FSTL4: variants seen among roughly 807,000 people sequenced by gnomAD.
FSTL4 encodes the protein follistatin like 4, also known as follistatin-related protein 4.
FSTL4 carries 28 observed loss-of-function variants against 78.2 expected under a neutral mutation model. The ratio of observed to expected loss-of-function variants is 0.36; its 90% CI spans 0.27 to 0.49. FSTL4 has a LOEUF of 0.49. FSTL4 is among the 20% of genes least tolerant of loss of function. The pLI is 0.98. For synonymous variants in FSTL4, 422 were observed against 440.5 expected, an observed-to-expected ratio of 0.96 and a Z score of 0.53; for missense variants, 922 against 1,084.9, an observed-to-expected ratio of 0.85 and a Z score of 2.11.
intron 13 of FSTL4, among the ~76,000 whole-genome samples, chr5:133,214,654 A>G (rs1409705269): frequency 6.6e-6 from 1 of 152,062 alleles, no homozygotes; most frequent in South Asian, 2.1e-4. Context: ...ACTACCACCC[A>G]TTGCATCACC....
intron 3 of FSTL4, among the ~76,000 whole-genome samples, chr5:133,472,334 G>A (rs1375432985): frequency 2.0e-5 from 3 of 152,180 alleles, no homozygotes; most frequent in Non-Finnish European, 2.9e-5. Flanking sequence ...AATAACATAA[G>A]GGTGTACCCC....
chr5:133,601,688 T>C (rs1365193375), intron 2 of FSTL4, among the ~76,000 whole-genome samples: 1 of 146,010 alleles, frequency 6.8e-6, no homozygotes, highest in East Asian at 1.9e-4. Context: ...CTTTCTTTCT[T>C]TTTTTTTTTT....
At chr5:133,206,061 A>T (rs762837642) in intron 14 of FSTL4, among the ~76,000 whole-genome samples, 2 of 152,182 alleles carry the variant, frequency 1.3e-5, no homozygotes, top group Non-Finnish European at 2.9e-5. Flanking sequence ...TTTATTTTTT[A>T]TACTATTTTA....
At chr5:133,568,538 G>T (rs1760079435) in intron 2 of FSTL4, among the ~76,000 whole-genome samples, 1 of 152,146 alleles carries the variant, frequency 6.6e-6, no homozygotes, top group African/African-American at 2.4e-5. Context: ...TGAGCAAAAA[G>T]CCCTGGTGGA....
At chr5:133,774,997 G>C in the FSTL4 span, among the ~76,000 whole-genome samples, 4 of 152,036 alleles carry the variant, frequency 2.6e-5, no homozygotes, top group Admixed American at 2.6e-4. Context: ...AAAAAATGTT[G>C]CTTTTCCTTC....
At chr5:133,676,628 A>C in the FSTL4 span, among the ~76,000 whole-genome samples, 33,764 of 152,170 alleles carry the variant, frequency 0.22, 4,292 homozygotes, top group Admixed American at 0.32. Context: ...TATTACATGA[A>C]GATGTAAGAA....
chr5:133,394,945 A>C (rs574315251), intron 4 of FSTL4, among the ~76,000 whole-genome samples: 2 of 152,298 alleles, frequency 1.3e-5, no homozygotes, highest in South Asian at 4.1e-4. Flanking sequence ...CAAAGTTTGT[A>C]AATGCACCAA....
At chr5:133,811,293 A>G in the FSTL4 span, among the ~76,000 whole-genome samples, 2 of 152,074 alleles carry the variant, frequency 1.3e-5, no homozygotes, top group East Asian at 3.9e-4. Flanking sequence ...CTTCCACCTC[A>G]AGGTTTGGTT....
intron 3 of FSTL4, among the ~76,000 whole-genome samples, chr5:133,461,367 C>A (rs1757587969): frequency 6.6e-6 from 1 of 152,156 alleles, no homozygotes; most frequent in Non-Finnish European, 1.5e-5. Context: ...GGCATTTTGG[C>A]CTCTTGCAAG....
intron 13 of FSTL4, among the ~76,000 whole-genome samples, chr5:133,211,893 TC>T (rs1394253931): frequency 6.6e-6 from 1 of 152,202 alleles, no homozygotes; most frequent in Non-Finnish European, 1.5e-5. Flanking sequence ...TCTTGATTTT[TC>T]CCACCCTGCT....
At chr5:133,665,892 A>G in the FSTL4 span, among the ~76,000 whole-genome samples, 1 of 152,166 alleles carries the variant, frequency 6.6e-6, no homozygotes. Flanking sequence ...GGTCCTGGGG[A>G]GCACCTCTGT....
At chr5:133,313,733 C>T (rs1316718451) in intron 5 of FSTL4, among the ~76,000 whole-genome samples, 2 of 152,084 alleles carry the variant, frequency 1.3e-5, no homozygotes, top group Non-Finnish European at 2.9e-5. Flanking sequence ...AAAAATGACC[C>T]TTCACCAAGC....
At chr5:133,698,214 C>T in the FSTL4 span, among the ~76,000 whole-genome samples, 1 of 130,634 alleles carries the variant, frequency 7.7e-6, no homozygotes, top group African/African-American at 3.3e-5. Context: ...CAGGCAGCAG[C>T]AAGCAGCACC....
the FSTL4 span, among the ~76,000 whole-genome samples, chr5:133,728,793 G>A: frequency 6.6e-6 from 1 of 151,622 alleles, no homozygotes; most frequent in Non-Finnish European, 1.5e-5. Context: ...TGTGAGCAAT[G>A]TATATCAGAA....
chr5:133,379,425 C>CT (rs1319350925), intron 4 of FSTL4, among the ~76,000 whole-genome samples: 2 of 151,914 alleles, frequency 1.3e-5, no homozygotes, highest in African/African-American at 4.8e-5. Context: ...CTGGAACACC[C>CT]TATTTAACAA....
At chr5:133,677,400 G>A in the FSTL4 span, among the ~76,000 whole-genome samples, 1 of 152,152 alleles carries the variant, frequency 6.6e-6, no homozygotes, top group African/African-American at 2.4e-5. Flanking sequence ...TACTCTCATT[G>A]TCCATGCAAC....
chr5:133,719,672 TAAAAAAAAAA>T, the FSTL4 span, among the ~76,000 whole-genome samples: 1 of 102,078 alleles, frequency 9.8e-6, no homozygotes, highest in Non-Finnish European at 1.9e-5. Context: ...AAACTCCATC[TAAAAAAAAAA>T]AAAAAAAAAA....
intron 3 of FSTL4, among the ~76,000 whole-genome samples, chr5:133,536,746 T>C (rs1369472365): frequency 6.6e-6 from 1 of 152,158 alleles, no homozygotes; most frequent in Non-Finnish European, 1.5e-5. Context: ...CTGTAATTCA[T>C]TCATTTTCAC....
chr5:133,602,078 AAC>A (rs1179425726), intron 2 of FSTL4, among the ~76,000 whole-genome samples: 2 of 152,148 alleles, frequency 1.3e-5, no homozygotes, highest in Non-Finnish European at 2.9e-5. Flanking sequence ...CACTGATAGA[AAC>A]AGTTTCAATG....
Sources: allele counts gnomAD v4.1 joint callset (sites outside exome capture counted in the v4.1 genomes callset), GRCh38; gene constraint gnomAD v4.1.1; transcripts MANE v1.5; gene names NCBI Gene and HGNC (gene_info 2026-07-23, HGNC 2026-07-21).